The following CLEC17A variants were observed in gnomAD, a reference collection of about 807,000 sequenced individuals.
CLEC17A encodes C-type lectin domain containing 17A.
In CLEC17A, 37 loss-of-function variants were observed where a neutral mutation model predicts 61.3. That is an observed-to-expected ratio of 0.60 (90% CI 0.46 to 0.79). The LOEUF (loss-of-function observed/expected upper bound fraction) is 0.79. Among genes scored for constraint, CLEC17A ranks in the 30% least tolerant of loss-of-function variants. The pLI is 0.00. For missense variants in CLEC17A, 418 were observed against 464.7 expected, an observed-to-expected ratio of 0.90 and a Z score of 0.92; for synonymous variants, 168 against 164.9, an observed-to-expected ratio of 1.02 and a Z score of -0.14.
intron 3 of CLEC17A, among the ~76,000 whole-genome samples, chr19:14,588,087 C>T (rs2074328406): frequency 6.6e-6 from 1 of 152,030 alleles, no homozygotes; most frequent in Non-Finnish European, 1.5e-5. Flanking sequence ...ACTGTGGGCT[C>T]CCAATCTCCT....
chr19:14,592,446 C>T (rs2074443774), intron 4 of CLEC17A, 88 bp downstream of exon 4: 1 of 1,576,082 alleles, frequency 6.3e-7, no homozygotes, highest in African/African-American at 1.3e-5. Context: ...GACACACAGT[C>T]AGTCTCCTCT....
chr19:14,597,211 C>T (rs1250115243), intron 10 of CLEC17A, 50 bp downstream of exon 10: 1 of 1,519,906 alleles, frequency 6.6e-7, no homozygotes, highest in Non-Finnish European at 9.0e-7. Flanking sequence ...AGCCCTAACC[C>T]AATCCTCAGA....
Position 14,583,423 on chromosome 19 carries a change from C to T in CLEC17A, c.110C>T (p.Pro37Leu). 2 of 1,612,482 alleles carry T rather than the reference C, an allele frequency of 1.2e-6. No individual in the cohort carries two copies. Among genetic ancestry groups the T allele is most frequent in the East Asian group, 2.2e-5 (1 of 44,838 alleles). Residue 37 changes from proline (P) to leucine (L), a missense_variant, in exon 2 of 14, where the codon CCT (proline) becomes CTT (leucine). By Grantham distance (98) the Pro-to-Leu change is moderately conservative. Coordinates refer to ENST00000417570, the MANE Select transcript of CLEC17A (RefSeq NM_001204118.2). ...ENSTPPYKDL[P>L]PKPGTMEEEE... is the part of the protein sequence containing the mutation. The stretch of plus-strand genomic sequence containing the variant: ...TCAACACCTCCCTACAAGGACCTTC[C>T]TCCCAAGCCAGGTAAGAGGACTTTT...
chr19:14,606,927 A>G, intron 12 of CLEC17A, 66 bp from the exon 13 acceptor site: 3 of 767,760 alleles, frequency 3.9e-6, no homozygotes, highest in East Asian at 3.4e-5. Context: ...GACAGGGCAC[A>G]GGGCAGGTCC....
intron 2 of CLEC17A, among the ~76,000 whole-genome samples, chr19:14,587,336 A>C (rs575460272): frequency 6.6e-6 from 1 of 151,944 alleles, no homozygotes; most frequent in Admixed American, 6.6e-5. Flanking sequence ...AGGAAAGGGA[A>C]ACAGACAGAT....
intron 10 of CLEC17A, among the ~76,000 whole-genome samples, 180 bp downstream of exon 10, chr19:14,597,341 GTA>G (rs1361204779): frequency 6.6e-6 from 1 of 152,126 alleles, no homozygotes; most frequent in Non-Finnish European, 1.5e-5. Context: ...GTGTGCATGT[GTA>G]TATGTGTCCA....
rs1056376300 is a variant in CLEC17A at position 14,583,254 on chromosome 19, G to C, written c.43+51G>C. Reference sequence around the variant, plus strand: ...GGGGCCTAGGTGTGGTCAGGACCCAGGGTACAGAATCCCCACCATGGGGCA... The same window carrying C: ...GGGGCCTAGGTGTGGTCAGGACCCACGGTACAGAATCCCCACCATGGGGCA... On this transcript the variant is annotated intron_variant, in intron 1 of 13. Coordinates refer to ENST00000417570, the MANE Select transcript of CLEC17A (RefSeq NM_001204118.2). 2.0e-5 allele frequency: 33 copies of C among 1,613,408 alleles called. No individual in the cohort carries two copies. The African/African-American group carries it at 3.3e-4, about 16-fold the overall frequency.
At position 14,607,070 on chromosome 19, in the gene CLEC17A, G is replaced by A; in HGVS notation, c.972G>A (p.Trp324Ter). 1.5e-6 allele frequency: 2 copies of A among 1,339,680 alleles called. No homozygotes were observed. Among genetic ancestry groups the A allele is most frequent in the Non-Finnish European group, 1.9e-6 (2 of 1,038,052 alleles). 83.0% of individuals were successfully genotyped at this position (1,339,680 alleles called of 1,614,324 possible). A position where few individuals can be genotyped will look rare whatever the true frequency, so the allele number is the denominator to read the frequency against. ...ATGACAGGGCCCAGGAAGGGGACTG[G>A]AGGTGGCTGGATGGGTCTCCTGTGA... ...GLNDRAQEGD[W>*]RWLDGSPVTL... Residue 324 changes from tryptophan to a stop codon, truncating the protein, a stop_gained, in exon 13 of 14, where the codon TGG (tryptophan) becomes TGA (stop). Transcript: ENST00000417570. LOFTEE classifies it high-confidence loss of function.
chr19:14,608,954 C>T (rs1451009137), intron 13 of CLEC17A, among the ~76,000 whole-genome samples: 1 of 152,006 alleles, frequency 6.6e-6, no homozygotes, highest in Non-Finnish European at 1.5e-5. Flanking sequence ...CGCCCGCCAC[C>T]ATGCTTGGTT....
At chr19:14,602,182 T>C (rs527887839) in intron 12 of CLEC17A, among the ~76,000 whole-genome samples, 2 of 152,250 alleles carry the variant, frequency 1.3e-5, no homozygotes, top group Admixed American at 1.3e-4. Context: ...AATTTATTTA[T>C]GTCATTATAT....
At chr19:14,603,180 A>G (rs1003506549) in intron 12 of CLEC17A, among the ~76,000 whole-genome samples, 2 of 152,198 alleles carry the variant, frequency 1.3e-5, no homozygotes, top group African/African-American at 2.4e-5. Flanking sequence ...TCATTCTGCT[A>G]GAATGGTGTA....
chr19:14,591,897 A>AGTGTGTGTGTGT (rs2074427274), intron 3 of CLEC17A, among the ~76,000 whole-genome samples: 1 of 99,736 alleles, frequency 1.0e-5, no homozygotes, highest in African/African-American at 5.5e-5. Context: ...TCCGGAGAAA[A>AGTGTGTGTGTGT]ATGTGTGTGT....
intron 8 of CLEC17A, among the ~76,000 whole-genome samples, chr19:14,595,961 T>G (rs1472602768): frequency 0.019 from 1 of 54 alleles, no homozygotes; most frequent in Non-Finnish European, 0.036. Context: ...GATGGTATTG[T>G]TGACAATGAC....
intron 13 of CLEC17A, among the ~76,000 whole-genome samples, chr19:14,607,952 C>T (rs1233527642): frequency 6.6e-6 from 1 of 152,096 alleles, no homozygotes. Flanking sequence ...CTCACTGCAG[C>T]CTCAACCTCC....
intron 12 of CLEC17A, among the ~76,000 whole-genome samples, chr19:14,603,543 T>A (rs1217189546): frequency 6.6e-6 from 1 of 152,106 alleles, no homozygotes; most frequent in Non-Finnish European, 1.5e-5. Flanking sequence ...CACTGCAGCC[T>A]CCATCTCCCA....
At chr19:14,602,417 C>G (rs750827391) in intron 12 of CLEC17A, among the ~76,000 whole-genome samples, 16 of 152,066 alleles carry the variant, frequency 1.1e-4, no homozygotes, top group Non-Finnish European at 2.2e-4. Flanking sequence ...AGCTCCCCAC[C>G]AAGTAGCTGG....
intron 3 of CLEC17A, among the ~76,000 whole-genome samples, chr19:14,588,200 G>A (rs1291420669): frequency 2.6e-5 from 4 of 151,838 alleles, no homozygotes; most frequent in African/African-American, 9.7e-5. Context: ...TTAAAGTGGA[G>A]GTTTGGGCCA....
At chr19:14,596,796 T>C in intron 8 of CLEC17A, 80 bp from the exon 9 acceptor site, 2 of 1,505,920 alleles carry the variant, frequency 1.3e-6, no homozygotes, top group Non-Finnish European at 1.8e-6. Flanking sequence ...CCCCCTGCTC[T>C]TGGACAAAGA....
intron 13 of CLEC17A, among the ~76,000 whole-genome samples, chr19:14,607,361 G>A (rs1238758692): frequency 4.6e-5 from 6 of 131,210 alleles, no homozygotes; most frequent in South Asian, 4.6e-4. Flanking sequence ...CCATCACCAT[G>A]CCCGGCTAAT....
Sources: gnomAD v4.1 joint callset for allele counts (sites outside exome capture counted in the v4.1 genomes callset) on GRCh38, gnomAD v4.1.1 for gene constraint, MANE v1.5 for transcripts, NCBI Gene and HGNC (gene_info 2026-07-23, HGNC 2026-07-21) for gene names.